The following PLCL1 variants were observed in gnomAD, a reference collection of about 807,000 sequenced individuals.
PLCL1 encodes inactive phospholipase C-like protein 1.
A neutral mutation model predicts 84.4 loss-of-function variants in PLCL1; 41 were observed. The observed-to-expected ratio is 0.49, with a 90% CI of 0.38 to 0.63. PLCL1 has a LOEUF of 0.63. Among genes scored for constraint, PLCL1 ranks in the 30% least tolerant of loss-of-function variants. The pLI, the probability that PLCL1 is intolerant of heterozygous loss-of-function variation, is 0.00. For synonymous variants in PLCL1, 490 were observed against 488.3 expected (o/e 1.00, Z -0.05); for missense variants, 1,206 against 1,367.8 (o/e 0.88, Z 1.87).
chr2:197,832,952 A>G (rs57180103), intron 1 of PLCL1, among the ~76,000 whole-genome samples: 9,263 of 152,254 alleles, frequency 0.061, 908 homozygotes, highest in African/African-American at 0.21. Flanking sequence ...AAATTTGGCC[A>G]GGTGCGGTGG....
At chr2:197,987,342 A>G (rs1407447946) in intron 1 of PLCL1, among the ~76,000 whole-genome samples, 1 of 152,212 alleles carries the variant, frequency 6.6e-6, no homozygotes, top group South Asian at 2.1e-4. Flanking sequence ...CTTCTTTAGA[A>G]AAGTCAGATC....
rs1460338281 is a variant in PLCL1, at chr2:197,805,757, A to G, written c.240+418A>G. Among the ~76,000 whole-genome samples the G allele has an allele frequency of 3.3e-5, 5 of 152,216 alleles. No homozygotes were observed. The highest frequency in any genetic ancestry group is 3.3e-4 in the Admixed American group (5 of 15,280). On this transcript the variant is annotated intron_variant, in intron 1 of 5. Coordinates refer to ENST00000428675, the MANE Select transcript of PLCL1 (RefSeq NM_006226.4). This position sits in a 1 kb window ranked among gnomAD's most constrained non-coding sequence, Gnocchi z 4.0. ...ATGCACAGCTTACTCTCAAGTGTAA[A>G]AAAAGAATCCCTCTAGACTTAAATG... is the stretch of plus-strand genomic sequence containing the variant.
At chr2:198,135,290 G>T (rs554358450) in intron 5 of PLCL1, among the ~76,000 whole-genome samples, 1 of 152,220 alleles carries the variant, frequency 6.6e-6, no homozygotes, top group African/African-American at 2.4e-5. Flanking sequence ...TTTGTTTATT[G>T]TGCTAATCAC....
In PLCL1 at chr2:197,805,438, C is replaced by A; in HGVS notation, c.240+99C>A. 9.0e-7 allele frequency: 1 copy of A among 1,115,230 alleles called. No homozygotes were observed. Among genetic ancestry groups the A allele is most frequent in the Non-Finnish European group, 1.1e-6 (1 of 874,466 alleles). 69.1% of individuals were successfully genotyped at this position (1,115,230 alleles called of 1,614,324 possible). ...GGTGTCCGGAGGCATCCGGGCTCAGCATTGTTTTCTCCCACCTCCTTCAAC... is the reference window on the plus strand; with the variant it reads ...GGTGTCCGGAGGCATCCGGGCTCAGAATTGTTTTCTCCCACCTCCTTCAAC... On this transcript the variant is annotated intron_variant, in intron 1 of 5. Transcript: ENST00000428675. The surrounding 1 kb of genome is among the most constrained non-coding windows in gnomAD (Gnocchi z 4.0).
At chr2:198,038,130 C>T (rs2105856198) in intron 1 of PLCL1, among the ~76,000 whole-genome samples, 1 of 152,122 alleles carries the variant, frequency 6.6e-6, no homozygotes, top group East Asian at 1.9e-4. Context: ...TAAGCATAAA[C>T]CTTGTAAGAG....
At chr2:197,806,864 G>GTTTTTATA (rs1690497259) in intron 1 of PLCL1, among the ~76,000 whole-genome samples, 1 of 152,138 alleles carries the variant, frequency 6.6e-6, no homozygotes. Flanking sequence ...AAAAACAAAA[G>GTTTTTATA]TAATGGAGTA....
At chr2:197,975,874 TAC>T (rs2105800834) in intron 1 of PLCL1, among the ~76,000 whole-genome samples, 1 of 152,168 alleles carries the variant, frequency 6.6e-6, no homozygotes, top group Non-Finnish European at 1.5e-5. Flanking sequence ...CCCTGAAGTA[TAC>T]ACACCCCTAC....
At chr2:197,902,155 G>A (rs1477468148) in intron 1 of PLCL1, among the ~76,000 whole-genome samples, 2 of 152,160 alleles carry the variant, frequency 1.3e-5, no homozygotes, top group Non-Finnish European at 2.9e-5. Context: ...TTGGGGCACT[G>A]AGCAGCCCCA....
At position 198,149,859 on chromosome 2, in the gene PLCL1, T is replaced by A. The variant is rs1694603006; in HGVS notation, c.*2897T>A. ...CTGTGTCAATAAATGTGTATTTACA[T>A]TAGAGTTCCAAGCATTTGAACTGAA... On this transcript the variant is annotated 3_prime_UTR_variant, in exon 6 of 6. Coordinates refer to ENST00000428675, the MANE Select transcript of PLCL1 (RefSeq NM_006226.4). 6.6e-6 allele frequency: 1 copy of A among 152,188 alleles called. No individual in the cohort carries two copies. The allele number at this position is 152,188 out of a possible 1,614,324, so 9.4% of individuals were successfully genotyped here.
chr2:197,977,118 G>T (rs1689999347), intron 1 of PLCL1, among the ~76,000 whole-genome samples: 1 of 152,074 alleles, frequency 6.6e-6, no homozygotes, highest in East Asian at 1.9e-4. Flanking sequence ...GCCTCCTCTT[G>T]TATTACTGAG....
At chr2:197,934,008 CAA>C (rs1574956398) in intron 1 of PLCL1, among the ~76,000 whole-genome samples, 1 of 152,136 alleles carries the variant, frequency 6.6e-6, no homozygotes, top group East Asian at 1.9e-4. Flanking sequence ...ATCTGTACGG[CAA>C]ATGTAAGAGC....
At position 198,085,192 on chromosome 2, in the gene PLCL1, G is replaced by A; in HGVS notation, c.1675G>A (p.Asp559Asn). 6.2e-7 allele frequency: 1 copy of A among 1,613,920 alleles called. No individual in the cohort carries two copies. Among genetic ancestry groups the A allele is most frequent in the East Asian group, 2.2e-5 (1 of 44,876 alleles). The stretch of plus-strand genomic sequence containing the variant: ...GTTAGAAGGAGAAGTAACAGATGAA[G>A]ATGAAGAAGCTGAAATGTCTCGAAG... ...DVLEGEVTDE[D>N]EEAEMSRRMS... The change falls in exon 2 of 6, where the codon GAT (aspartate) becomes AAT (asparagine). Residue 559 changes from aspartate (D) to asparagine (N), a missense_variant. Asp to Asn is a conservative substitution (Grantham distance 23, BLOSUM62 1). Transcript: ENST00000428675. The surrounding 1 kb of genome is among the most constrained non-coding windows in gnomAD (Gnocchi z 5.3).
At chr2:198,019,174 A>T (rs1275228487) in intron 1 of PLCL1, among the ~76,000 whole-genome samples, 1 of 152,234 alleles carries the variant, frequency 6.6e-6, no homozygotes, top group Non-Finnish European at 1.5e-5. Context: ...ATAAACAAAA[A>T]GCAGTAGCAT....
chr2:197,885,695 A>G (rs1559035073), intron 1 of PLCL1, among the ~76,000 whole-genome samples: 1 of 152,228 alleles, frequency 6.6e-6, no homozygotes. Flanking sequence ...TTCTCTGACC[A>G]TCTTTCTAAC....
chr2:198,079,839 C>T (rs895712735), intron 1 of PLCL1, among the ~76,000 whole-genome samples: 10 of 152,224 alleles, frequency 6.6e-5, no homozygotes, highest in African/African-American at 2.4e-4. Flanking sequence ...AATTCAATGT[C>T]TGACTAATTA....
chr2:198,068,236 T>C (rs1692365067), intron 1 of PLCL1, among the ~76,000 whole-genome samples: 1 of 152,250 alleles, frequency 6.6e-6, no homozygotes, highest in Non-Finnish European at 1.5e-5. Flanking sequence ...CATTAAGTAC[T>C]TTATTTCCCT....
chr2:197,830,406 A>C (rs1266214482), intron 1 of PLCL1, among the ~76,000 whole-genome samples: 1 of 151,822 alleles, frequency 6.6e-6, no homozygotes, highest in East Asian at 2.0e-4. Flanking sequence ...TCGATCAAGC[A>C]GAAGAAAGGA....
intron 1 of PLCL1, among the ~76,000 whole-genome samples, chr2:197,891,028 G>T (rs1156934651): frequency 6.6e-6 from 1 of 151,014 alleles, no homozygotes; most frequent in Non-Finnish European, 1.5e-5. Flanking sequence ...AGAGTTTTAG[G>T]TTGCTTCAAA....
At chr2:197,983,695 G>A (rs1313495797) in intron 1 of PLCL1, among the ~76,000 whole-genome samples, 1 of 152,192 alleles carries the variant, frequency 6.6e-6, no homozygotes, top group Non-Finnish European at 1.5e-5. Context: ...AAGGATCAAA[G>A]CCTGGTGATG....
Sources: allele counts gnomAD v4.1 joint callset (sites outside exome capture counted in the v4.1 genomes callset), GRCh38; gene constraint gnomAD v4.1.1; non-coding constraint Gnocchi (gnomAD v3.1); transcripts MANE v1.5; gene names NCBI Gene and HGNC (gene_info 2026-07-23, HGNC 2026-07-21).